Variants in FRMPD4 observed in about 807,000 individuals in gnomAD.
FRMPD4 encodes FERM and PDZ domain containing 4.
Under a neutral mutation model 94.1 loss-of-function variants are expected in FRMPD4, and 22 were observed. The observed-to-expected ratio is 0.23, with a 90% CI of 0.17 to 0.33. The LOEUF is 0.33. Ranked by LOEUF, FRMPD4 falls within the 10% of genes least tolerant of loss-of-function variation. FRMPD4 has a pLI of 1.00. For missense variants in FRMPD4, 1,111 were observed against 1,339.9 expected (o/e 0.83, Z 2.67); for synonymous variants, 631 against 548.6 (o/e 1.15, Z -2.10).
At chrX:12,044,005 T>C (rs1234959378) in intron 3 of FRMPD4, among the ~76,000 whole-genome samples, 1 of 111,755 alleles carries the variant, frequency 8.9e-6, no homozygotes, top group Non-Finnish European at 1.9e-5. Context: ...GAATTACTGC[T>C]TTCCCTTTTG....
At position 12,694,351 on chromosome X, in the gene FRMPD4, G is replaced by C. The variant is rs1459956834; in HGVS notation, c.830G>C (p.Ser277Thr). ...ETLTQVTQRPSSHKMRCLFRI... is the reference protein window; with the variant it reads ...ETLTQVTQRPTSHKMRCLFRI... ...CTCTTCCAGGTGACACAGAGGCCCAGCTCCCATAAGATGAGATGTCTTTTC... is the reference window on the plus strand; with the variant it reads ...CTCTTCCAGGTGACACAGAGGCCCACCTCCCATAAGATGAGATGTCTTTTC... The change falls in exon 9 of 17, where the codon AGC becomes ACC. Residue 277 changes from serine (S) to threonine (T), a missense_variant. By Grantham distance (58) the Ser-to-Thr change is moderately conservative (BLOSUM62 1). Transcript: ENST00000675598. 1 of 1,194,181 alleles carries C rather than the reference G, an allele frequency of 8.4e-7. No individual in the cohort carries two copies. The highest frequency in any genetic ancestry group is 1.1e-6 in the Non-Finnish European group (1 of 880,646).
Position 12,211,149 on chromosome X carries a change from G to A in FRMPD4, c.41+72137G>A, listed in dbSNP as rs576953216. Among the ~76,000 whole-genome samples the A allele has an allele frequency of 1.0e-3, 113 of 112,153 alleles. 1 individual carries two copies. The highest frequency in any genetic ancestry group is 9.2e-3 in the Middle Eastern group (2 of 218). On this transcript the variant is annotated intron_variant, in intron 1 of 16. Transcript: ENST00000675598. Reference sequence around the variant, plus strand: ...TGGCATTTTTGCAGTTCTCACTAACGGGATTGAATCCATCAAGACTTGGAT... The same window carrying A: ...TGGCATTTTTGCAGTTCTCACTAACAGGATTGAATCCATCAAGACTTGGAT...
intron 1 of FRMPD4, among the ~76,000 whole-genome samples, chrX:12,177,200 G>A (rs1355358391): frequency 8.9e-6 from 1 of 112,074 alleles, no homozygotes; most frequent in Non-Finnish European, 1.9e-5. Context: ...ATCAAAGGAA[G>A]TGGATGTGCT....
intron 7 of FRMPD4, 89 bp downstream of exon 7, chrX:12,686,293 GA>G (rs2060022708): frequency 2.1e-6 from 1 of 470,564 alleles, no homozygotes; most frequent in Non-Finnish European, 3.8e-6. Flanking sequence ...TCTTCTTTCA[GA>G]ACTATCCCTT....
intron 2 of FRMPD4, among the ~76,000 whole-genome samples, chrX:12,543,963 A>G (rs1223259309): frequency 3.6e-5 from 4 of 109,986 alleles, no homozygotes; most frequent in Non-Finnish European, 7.6e-5. Context: ...GGAAACCATC[A>G]TTCTCAGCAA....
At chrX:12,326,776 G>A (rs1389927766) in intron 1 of FRMPD4, among the ~76,000 whole-genome samples, 2 of 110,782 alleles carry the variant, frequency 1.8e-5, no homozygotes, top group Non-Finnish European at 1.9e-5. Flanking sequence ...ACCAGCCTGG[G>A]CAACATAGTG....
Position 12,363,433 on chromosome X carries a change from C to T in FRMPD4, c.42-135247C>T, listed in dbSNP as rs761449998. ...GCATGGAATTTAGCAGTGGTTACAT[C>T]TCAAGACTGTATAAGTCCCAAGAGA... On this transcript the variant is annotated intron_variant, in intron 1 of 16. Coordinates refer to ENST00000675598, the MANE Select transcript of FRMPD4 (RefSeq NM_001368397.1). Among the ~76,000 whole-genome samples, 6 of 112,657 alleles carry T rather than the reference C, an allele frequency of 5.3e-5. No individual in the cohort carries two copies. The East Asian group carries it at 1.7e-3, about 31-fold the overall frequency.
chrX:12,593,505 T>A lies in FRMPD4; in HGVS notation c.159-16216T>A, dbSNP rs2059001671. ...CTCAGGGACTTTTCAGATTCTTTTTTAAAAATAATTCCTTTCTCATTATTG... is the reference window on the plus strand; with the variant it reads ...CTCAGGGACTTTTCAGATTCTTTTTAAAAAATAATTCCTTTCTCATTATTG... On this transcript the variant is annotated intron_variant, in intron 2 of 16. Coordinates refer to ENST00000675598, the MANE Select transcript of FRMPD4 (RefSeq NM_001368397.1). Among the ~76,000 whole-genome samples the A allele has an allele frequency of 2.7e-5, 3 of 112,263 alleles. No homozygotes were observed. In the South Asian group the frequency reaches 1.1e-3, roughly 41 times the overall value.
chrX:12,263,427 CATCAGA>C (rs2054224530), intron 1 of FRMPD4, among the ~76,000 whole-genome samples: 1 of 111,600 alleles, frequency 9.0e-6, no homozygotes, highest in African/African-American at 3.3e-5. Context: ...GAGGTAGGGA[CATCAGA>C]TATACAGGAC....
intron 3 of FRMPD4, among the ~76,000 whole-genome samples, chrX:11,906,110 C>G (rs2053965771): frequency 1.4e-5 from 1 of 69,713 alleles, no homozygotes; most frequent in African/African-American, 4.7e-5. Context: ...TTCAGTTTCC[C>G]TTCATTTTAT....
chrX:12,582,064 G>A (rs2058871540), intron 2 of FRMPD4, among the ~76,000 whole-genome samples: 1 of 112,201 alleles, frequency 8.9e-6, no homozygotes, highest in Non-Finnish European at 1.9e-5. Context: ...TCTCTGCAGT[G>A]CTTAGAACAA....
intron 11 of FRMPD4, among the ~76,000 whole-genome samples, chrX:12,705,021 T>A (rs776794996): frequency 9.0e-6 from 1 of 111,696 alleles, no homozygotes; most frequent in Non-Finnish European, 1.9e-5. Context: ...ACCCACAAGA[T>A]GCCAGTAGCA....
chrX:12,629,355 G>C (rs1289102457), intron 4 of FRMPD4, among the ~76,000 whole-genome samples: 1 of 112,030 alleles, frequency 8.9e-6, no homozygotes, highest in East Asian at 2.8e-4. Flanking sequence ...GGAAACTTTG[G>C]TGACTATTTC....
chrX:11,981,830 T>A (rs12834066), intron 3 of FRMPD4, among the ~76,000 whole-genome samples: 1 of 111,754 alleles, frequency 8.9e-6, no homozygotes, highest in African/African-American at 3.2e-5. Context: ...TAATTCCAGA[T>A]GTTTTACCAT....
intron 4 of FRMPD4, among the ~76,000 whole-genome samples, chrX:12,669,490 TTTCTGGGC>T (rs2059817120): frequency 3.7e-5 from 2 of 54,723 alleles, no homozygotes; most frequent in African/African-American, 6.2e-5. Context: ...AGCAACTAGC[TTTCTGGGC>T]TTTCTGGGAA....
intron 16 of FRMPD4, among the ~76,000 whole-genome samples, chrX:12,720,054 GAAAGAAA>G (rs747085919): frequency 1.2e-3 from 24 of 19,850 alleles, no homozygotes; most frequent in South Asian, 6.9e-3. Context: ...GGAAAGGAAA[GAAAGAAA>G]GAAAGAAAGA....
intron 2 of FRMPD4, among the ~76,000 whole-genome samples, chrX:12,519,080 ATGGAT>A (rs369351098): frequency 9.8e-5 from 11 of 112,557 alleles, no homozygotes; most frequent in African/African-American, 3.6e-4. Context: ...TTCCATACTA[ATGGAT>A]TGGAAGACTT....
intron 1 of FRMPD4, among the ~76,000 whole-genome samples, chrX:12,170,808 T>G (rs1044029803): frequency 2.7e-5 from 3 of 112,837 alleles, no homozygotes; most frequent in African/African-American, 9.6e-5. Flanking sequence ...TTAACTCATC[T>G]CTCTCCTCTT....
intron 1 of FRMPD4, among the ~76,000 whole-genome samples, chrX:12,184,918 C>T (rs1249599429): frequency 1.8e-5 from 2 of 110,709 alleles, no homozygotes; most frequent in Non-Finnish European, 3.8e-5. Context: ...TGAATAAGAC[C>T]TAGTATTTTA....
Sources: gnomAD v4.1 joint callset for allele counts (sites outside exome capture counted in the v4.1 genomes callset) on GRCh38, gnomAD v4.1.1 for gene constraint, MANE v1.5 for transcripts, NCBI Gene and HGNC (gene_info 2026-07-23, HGNC 2026-07-21) for gene names.